PIAS4: variants seen among roughly 807,000 people sequenced by gnomAD.
The protein encoded by PIAS4 is protein inhibitor of activated STAT 4.
PIAS4 carries 7 observed loss-of-function variants against 58.0 expected under a neutral mutation model. The observed-to-expected ratio is 0.12, with a 90% CI of 0.07 to 0.23. PIAS4 has a LOEUF of 0.23. Among genes scored for constraint, PIAS4 ranks in the 10% least tolerant of loss-of-function variants. The pLI is 1.00. For missense variants in PIAS4, 550 were observed against 709.5 expected, an observed-to-expected ratio of 0.78 and a Z score of 2.55; for synonymous variants, 364 against 312.4, an observed-to-expected ratio of 1.17 and a Z score of -1.74.
intron 2 of PIAS4, among the ~76,000 whole-genome samples, chr19:4,015,776 C>T (rs1054646658): frequency 2.6e-5 from 4 of 152,220 alleles, no homozygotes; most frequent in Admixed American, 6.5e-5. Context: ...TGTGACCCAC[C>T]GTCCAGCGTG....
chr19:4,009,194 T>A (rs2039970288), intron 1 of PIAS4, among the ~76,000 whole-genome samples: 1 of 152,032 alleles, frequency 6.6e-6, no homozygotes, highest in South Asian at 2.1e-4. Context: ...GTACGTATCT[T>A]CTTCTCGGTC....
At chr19:4,015,619 AT>A (rs2040044951) in intron 2 of PIAS4, among the ~76,000 whole-genome samples, 1 of 152,056 alleles carries the variant, frequency 6.6e-6, no homozygotes, top group Non-Finnish European at 1.5e-5. Context: ...AGTGGTCCCC[AT>A]GGTTTTAGGA....
chr19:4,036,922 A>C (rs1318791372), intron 9 of PIAS4, among the ~76,000 whole-genome samples: 1 of 151,340 alleles, frequency 6.6e-6, no homozygotes, highest in Non-Finnish European at 1.5e-5. Context: ...GTGTGTACAC[A>C]TGCTCACACA....
intron 1 of PIAS4, among the ~76,000 whole-genome samples, chr19:4,012,470 G>T (rs910760918): frequency 1.7e-4 from 26 of 152,240 alleles, no homozygotes; most frequent in Non-Finnish European, 3.1e-4. Flanking sequence ...AAACATATCT[G>T]TGGCTGACAT....
chr19:4,023,239 G>C (rs2040128589), intron 2 of PIAS4, among the ~76,000 whole-genome samples: 1 of 150,818 alleles, frequency 6.6e-6, no homozygotes. Context: ...AGCATTTTGA[G>C]AGTTTGAGAT....
At chr19:4,035,159 C>G (rs921888307) in intron 9 of PIAS4, among the ~76,000 whole-genome samples, 2 of 152,068 alleles carry the variant, frequency 1.3e-5, no homozygotes, top group Admixed American at 1.3e-4. Flanking sequence ...GAGAGCTCGG[C>G]GGGGCGGAGG....
chr19:4,008,317 C>T (rs938187990), intron 1 of PIAS4, among the ~76,000 whole-genome samples: 3 of 152,060 alleles, frequency 2.0e-5, no homozygotes, highest in African/African-American at 4.8e-5. Context: ...TCCCCCGAGT[C>T]CTGGATAGTG....
rs1235407931 is a variant in PIAS4, at chr19:4,038,161, G to C, written c.*286G>C. ...CCACACAGCCGCCTCCCCGGCTGGA[G>C]TCCGAGCCGGGAAGGGGTAGTGGGC... is the stretch of plus-strand genomic sequence containing the variant. On this transcript the variant is annotated 3_prime_UTR_variant, in exon 11 of 11. Transcript: ENST00000262971. The surrounding 1 kb of genome is among the most constrained non-coding windows in gnomAD (Gnocchi z 4.1). 2.6e-6 allele frequency: 1 copy of C among 379,636 alleles called. No homozygotes were observed. The highest frequency in any genetic ancestry group is 4.8e-6 in the Non-Finnish European group (1 of 210,090). The allele number at this position is 379,636 out of a possible 1,614,324, so 23.5% of individuals were successfully genotyped here.
At chr19:4,022,015 TG>T (rs1280678085) in intron 2 of PIAS4, among the ~76,000 whole-genome samples, 5 of 152,298 alleles carry the variant, frequency 3.3e-5, no homozygotes, top group African/African-American at 1.2e-4. Flanking sequence ...CCCAAAGTGC[TG>T]GGATTACAGG....
Position 4,038,762 on chromosome 19 carries a change from G to T in PIAS4, c.*887G>T. 1 of 154,394 alleles carries T rather than the reference G, an allele frequency of 6.5e-6. No homozygotes were observed. Among genetic ancestry groups the T allele is most frequent in the South Asian group, 1.7e-4 (1 of 5,716 alleles). 9.6% of individuals were successfully genotyped at this position (154,394 alleles called of 1,614,324 possible). On this transcript the variant is annotated 3_prime_UTR_variant, in exon 11 of 11. Transcript: ENST00000262971. This position sits in a 1 kb window ranked among gnomAD's most constrained non-coding sequence, Gnocchi z 4.1. ...ACCATACCCCGGTCCTTGGGGCATG[G>T]GTTGCGGTCGCTTCCCAAGGGGCAG...
At chr19:4,021,562 C>T (rs1285965913) in intron 2 of PIAS4, among the ~76,000 whole-genome samples, 1 of 152,066 alleles carries the variant, frequency 6.6e-6, no homozygotes, top group Admixed American at 6.6e-5. Context: ...GGGTATTCAT[C>T]GGGAATTTTC....
At position 4,039,169 on chromosome 19, in the gene PIAS4, A is replaced by AC. The variant is rs2040334958; in HGVS notation, c.*1295dup. On this transcript the variant is annotated 3_prime_UTR_variant, in exon 11 of 11. Transcript: ENST00000262971. ...CAGCCCAGAATTTTCCTTTGTATAA[A>AC]CAGAACTCCTAGTCAGGAAGCAATA... The AC allele has an allele frequency of 6.6e-6, 1 of 152,240 alleles. No individual in the cohort carries two copies. Among genetic ancestry groups the AC allele is most frequent in the Non-Finnish European group, 1.5e-5 (1 of 68,070 alleles). 9.4% of individuals were successfully genotyped at this position (152,240 alleles called of 1,614,324 possible). A position where few individuals can be genotyped will look rare whatever the true frequency, so the allele number is the denominator to read the frequency against.
intron 9 of PIAS4, 121 bp downstream of exon 9, chr19:4,033,701 C>T (rs2040247434): frequency 3.6e-6 from 3 of 835,822 alleles, no homozygotes; most frequent in Non-Finnish European, 5.5e-6. Context: ...GGCACATGGT[C>T]CTGGAGCTTT....
chr19:4,014,534 G>A (rs965594413), intron 2 of PIAS4, among the ~76,000 whole-genome samples: 1 of 152,184 alleles, frequency 6.6e-6, no homozygotes, highest in Non-Finnish European at 1.5e-5. Context: ...AGGTCTCTCC[G>A]TCTCTTCTTC....
In PIAS4 at chr19:4,023,391, C is replaced by T. The variant is rs535785584; in HGVS notation, c.455-645C>T. 6.1e-4 allele frequency among the ~76,000 whole-genome samples: 92 copies of T among 151,886 alleles called. No individual in the cohort carries two copies. The East Asian group carries it at 0.012, about 21-fold the overall frequency. ...AGGAGAATCGCTTAAACCCGGGAGA[C>T]GGAGGTTGCAGTCAGCCGAGATCGT... is the stretch of plus-strand genomic sequence containing the variant. On this transcript the variant is annotated intron_variant, in intron 2 of 10. Coordinates refer to ENST00000262971, the MANE Select transcript of PIAS4 (RefSeq NM_015897.4).
chr19:4,013,923 G>A lies in PIAS4; in HGVS notation c.454+574G>A, dbSNP rs1163268510. Among the ~76,000 whole-genome samples the A allele has an allele frequency of 3.3e-5, 5 of 152,034 alleles. No homozygotes were observed. The highest frequency in any genetic ancestry group is 5.9e-5 in the Non-Finnish European group (4 of 67,988). Reference sequence around the variant, plus strand: ...CCTCGCCATCTCCCCCACAGAGTCCGTTGCTCACACAGACTCTGTGGCGCA... The same window carrying A: ...CCTCGCCATCTCCCCCACAGAGTCCATTGCTCACACAGACTCTGTGGCGCA... On this transcript the variant is annotated intron_variant, in intron 2 of 10. Coordinates refer to ENST00000262971, the MANE Select transcript of PIAS4 (RefSeq NM_015897.4). This position sits in a 1 kb window ranked among gnomAD's most constrained non-coding sequence, Gnocchi z 5.1.
chr19:4,008,858 CTT>C (rs1031096667), intron 1 of PIAS4, among the ~76,000 whole-genome samples: 1 of 152,034 alleles, frequency 6.6e-6, no homozygotes, highest in Admixed American at 6.6e-5. Flanking sequence ...TGCCTATTCT[CTT>C]TTGTTGATCT....
chr19:4,034,844 T>C (rs73532385), intron 9 of PIAS4, among the ~76,000 whole-genome samples: 12,315 of 152,166 alleles, frequency 0.081, 1,666 homozygotes, highest in African/African-American at 0.28. Flanking sequence ...TGGTTCATAC[T>C]TTGTTCCATG....
intron 1 of PIAS4, among the ~76,000 whole-genome samples, chr19:4,009,351 G>A (rs2039972133): frequency 6.6e-6 from 1 of 152,278 alleles, no homozygotes; most frequent in East Asian, 1.9e-4. Context: ...TCGCCCTGGA[G>A]ATGTGGAGGC....
Sources: gnomAD v4.1 joint callset for allele counts (sites outside exome capture counted in the v4.1 genomes callset) on GRCh38, gnomAD v4.1.1 for gene constraint, Gnocchi (gnomAD v3.1) non-coding constraint, MANE v1.5 for transcripts, NCBI Gene and HGNC (gene_info 2026-07-23, HGNC 2026-07-21) for gene names.